Variants in COMMD1 observed in about 807,000 individuals in gnomAD.
COMMD1 encodes COMM domain-containing protein 1.
COMMD1 carries 10 observed loss-of-function variants against 17.2 expected under a neutral mutation model. That is an observed-to-expected ratio of 0.58 (90% confidence interval 0.36 to 0.99). COMMD1 has a LOEUF of 0.99. Ranked by LOEUF, COMMD1 falls within the 50% of genes least tolerant of loss-of-function variation. The pLI is 0.01. For synonymous variants in COMMD1, 97 were observed against 91.6 expected, an observed-to-expected ratio of 1.06 and a Z score of -0.34; for missense variants, 270 against 231.8, an observed-to-expected ratio of 1.17 and a Z score of -1.07.
chr2:61,965,142 A>G (rs1334236179), intron 1 of COMMD1, among the ~76,000 whole-genome samples: 1 of 152,238 alleles, frequency 6.6e-6, no homozygotes, highest in African/African-American at 2.4e-5. Flanking sequence ...TTTAAGATCT[A>G]CATAAATATT....
intron 2 of COMMD1, among the ~76,000 whole-genome samples, chr2:62,064,808 G>C (rs558595683): frequency 3.3e-5 from 5 of 152,082 alleles, no homozygotes; most frequent in African/African-American, 1.2e-4. Context: ...TTTTTAAAAA[G>C]AATATTTGTG....
intron 1 of COMMD1, among the ~76,000 whole-genome samples, chr2:61,937,660 C>T (rs188280372): frequency 3.9e-4 from 60 of 152,270 alleles, no homozygotes; most frequent in Non-Finnish European, 7.8e-4. Context: ...TTCTATGCTA[C>T]GCATTGAGCC....
intron 2 of COMMD1, among the ~76,000 whole-genome samples, chr2:62,019,843 T>A (rs933020482): frequency 6.6e-6 from 1 of 152,224 alleles, no homozygotes; most frequent in Non-Finnish European, 1.5e-5. Context: ...TAGAAACAAG[T>A]CACTCCAGCC....
At chr2:62,064,792 A>T (rs1460644907) in intron 2 of COMMD1, among the ~76,000 whole-genome samples, 1 of 152,090 alleles carries the variant, frequency 6.6e-6, no homozygotes, top group East Asian at 1.9e-4. Flanking sequence ...CTAAATTTTT[A>T]AAAGTTTTTT....
At chr2:62,047,070 T>A (rs1052932108) in intron 2 of COMMD1, among the ~76,000 whole-genome samples, 1 of 152,064 alleles carries the variant, frequency 6.6e-6, no homozygotes, top group Admixed American at 6.5e-5. Context: ...TACCCCCGAG[T>A]CCCTTACAAT....
intron 1 of COMMD1, among the ~76,000 whole-genome samples, chr2:61,952,607 G>A (rs1433957981): frequency 2.0e-5 from 3 of 152,034 alleles, no homozygotes; most frequent in African/African-American, 7.2e-5. Flanking sequence ...TCATTCTCCA[G>A]CCCCCTGCCC....
chr2:62,080,370 G>A (rs1246770959), intron 2 of COMMD1, among the ~76,000 whole-genome samples: 3 of 152,212 alleles, frequency 2.0e-5, no homozygotes, highest in African/African-American at 7.2e-5. Flanking sequence ...ACCCAGTAGA[G>A]TTGGCTGAAA....
intron 2 of COMMD1, among the ~76,000 whole-genome samples, chr2:62,006,811 A>G (rs1475354142): frequency 1.3e-5 from 2 of 152,196 alleles, no homozygotes. Flanking sequence ...GAACTTCAGT[A>G]GAGATTATGA....
chr2:61,904,163 A>T (rs1045233093), upstream of COMMD1, among the ~76,000 whole-genome samples: 7 of 151,982 alleles, frequency 4.6e-5, no homozygotes, highest in African/African-American at 1.7e-4. Flanking sequence ...GGCGCCCGCC[A>T]CTAGGCCCGG....
In COMMD1 at chr2:62,109,456, A is replaced by G. The variant is rs561342177; in HGVS notation, c.463-26375A>G. The stretch of plus-strand genomic sequence containing the variant: ...TTATAAACATTTTGATTAGGCAGTT[A>G]TAGTTAGCGTTTGTCCAATGCTTTA... On this transcript the variant is annotated intron_variant, in intron 2 of 2. Coordinates refer to ENST00000311832, the MANE Select transcript of COMMD1 (RefSeq NM_152516.4). 2.6e-5 allele frequency among the ~76,000 whole-genome samples: 4 copies of G among 152,370 alleles called. 1 individual carries two copies. Among genetic ancestry groups the G allele is most frequent in the South Asian group, 4.1e-4 (2 of 4,828 alleles).
chr2:61,895,497 G>A (rs1669532749), intron 1 of COMMD1, among the ~76,000 whole-genome samples: 1 of 152,172 alleles, frequency 6.6e-6, no homozygotes, highest in African/African-American at 2.4e-5. Context: ...ATCTGGAGGA[G>A]TCATAACTAC....
At chr2:62,132,223 T>C (rs1229086400) in intron 2 of COMMD1, among the ~76,000 whole-genome samples, 1 of 152,182 alleles carries the variant, frequency 6.6e-6, no homozygotes, top group Non-Finnish European at 1.5e-5. Context: ...TCTCTAGTAT[T>C]TGGCATCCCT....
chr2:62,080,352 T>C (rs1158740959), intron 2 of COMMD1, among the ~76,000 whole-genome samples: 1 of 152,218 alleles, frequency 6.6e-6, no homozygotes, highest in Non-Finnish European at 1.5e-5. Flanking sequence ...CACTGCCCTG[T>C]TCCTAGTACC....
At chr2:62,043,146 C>A (rs958005590) in intron 2 of COMMD1, among the ~76,000 whole-genome samples, 1 of 152,192 alleles carries the variant, frequency 6.6e-6, no homozygotes, top group Admixed American at 6.5e-5. Context: ...CCAGCTAAGC[C>A]AGTGACACTG....
At chr2:61,913,181 A>T (rs897848207) in intron 1 of COMMD1, among the ~76,000 whole-genome samples, 1 of 152,052 alleles carries the variant, frequency 6.6e-6, no homozygotes, top group African/African-American at 2.4e-5. Flanking sequence ...ACCCTGGCCA[A>T]CATAATAAAA....
chr2:61,939,434 C>T (rs560008728), intron 1 of COMMD1, among the ~76,000 whole-genome samples: 1 of 151,720 alleles, frequency 6.6e-6, no homozygotes, highest in East Asian at 1.9e-4. Context: ...CCACTGCACT[C>T]CAGCCTGGGC....
chr2:61,956,650 C>G (rs186624917), intron 1 of COMMD1, among the ~76,000 whole-genome samples: 3 of 151,774 alleles, frequency 2.0e-5, no homozygotes, highest in Non-Finnish European at 4.4e-5. Flanking sequence ...ACCTCGTGAT[C>G]CGTCCATCTT....
At chr2:61,903,500 A>C (rs1167651071), upstream of COMMD1, among the ~76,000 whole-genome samples, 1 of 151,460 alleles carries the variant, frequency 6.6e-6, no homozygotes, top group Admixed American at 6.6e-5. Flanking sequence ...AGTAGTCTAG[A>C]TGAGTAGATT....
chr2:62,074,049 A>G (rs1168841708), intron 2 of COMMD1, among the ~76,000 whole-genome samples: 1 of 152,198 alleles, frequency 6.6e-6, no homozygotes, highest in Non-Finnish European at 1.5e-5. Context: ...TTAACACTAT[A>G]CAAACCAGGG....
Sources: allele counts gnomAD v4.1 joint callset (sites outside exome capture counted in the v4.1 genomes callset), GRCh38; gene constraint gnomAD v4.1.1; transcripts MANE v1.5; gene names NCBI Gene and HGNC (gene_info 2026-07-23, HGNC 2026-07-21).